The following CDIP1 variants were observed in gnomAD, a reference collection of about 807,000 sequenced individuals.
CDIP1 encodes cell death-inducing p53-target protein 1.
In CDIP1, 9 loss-of-function variants were observed where a neutral mutation model predicts 17.7. The observed-to-expected ratio is 0.51, with a 90% CI of 0.31 to 0.89. The LOEUF (loss-of-function observed/expected upper bound fraction) is 0.89, where lower values mean the gene tolerates loss of function less well. Ranked by LOEUF, CDIP1 falls within the 40% of genes least tolerant of loss-of-function variation. The pLI is 0.05. For missense variants in CDIP1, 263 were observed against 277.9 expected (o/e 0.95, Z 0.38); for synonymous variants, 117 against 109.5 (o/e 1.07, Z -0.43).
chr16:4,534,984 C>T (rs2059093408), intron 1 of CDIP1, among the ~76,000 whole-genome samples: 1 of 152,120 alleles, frequency 6.6e-6, no homozygotes, highest in African/African-American at 2.4e-5. Flanking sequence ...TCCTAAAGTG[C>T]TGGGATTACA....
At chr16:4,528,714 C>T (rs188490439) in intron 1 of CDIP1, among the ~76,000 whole-genome samples, 3,067 of 138,670 alleles carry the variant, frequency 0.022, 113 homozygotes, top group African/African-American at 0.076. Context: ...AAAGGCTGGC[C>T]GCGGTGGCTC....
At chr16:4,516,423 A>G (rs941518833) in intron 1 of CDIP1, among the ~76,000 whole-genome samples, 1 of 152,142 alleles carries the variant, frequency 6.6e-6, no homozygotes, top group African/African-American at 2.4e-5. Context: ...TGTCAATAAA[A>G]CTTATTTTTA....
intron 1 of CDIP1, among the ~76,000 whole-genome samples, chr16:4,526,159 C>T (rs1395517434): frequency 6.6e-6 from 1 of 152,136 alleles, no homozygotes; most frequent in East Asian, 1.9e-4. Context: ...GTAATTACGG[C>T]ACTTTGGGAG....
chr16:4,515,667 T>G (rs370757039), intron 1 of CDIP1, among the ~76,000 whole-genome samples: 12 of 152,368 alleles, frequency 7.9e-5, no homozygotes, highest in African/African-American at 2.9e-4. Flanking sequence ...GAAAAACTAC[T>G]GAGCGTCTTT....
intron 1 of CDIP1, among the ~76,000 whole-genome samples, chr16:4,526,814 A>T (rs1271539675): frequency 6.6e-6 from 1 of 152,120 alleles, no homozygotes; most frequent in African/African-American, 2.4e-5. Context: ...TGCGCCCTCC[A>T]ACAGAAGCAT....
At chr16:4,532,508 C>T (rs1417457825) in intron 1 of CDIP1, 1 of 152,374 alleles carries the variant, frequency 6.6e-6, no homozygotes, top group African/African-American at 2.4e-5. Context: ...ATGGGTGAGC[C>T]GGGTCCTCTG....
chr16:4,527,237 G>A (rs1311642207), intron 1 of CDIP1, among the ~76,000 whole-genome samples: 2 of 151,896 alleles, frequency 1.3e-5, no homozygotes, highest in Non-Finnish European at 2.9e-5. Flanking sequence ...ACAGGCGCCC[G>A]CCAACACGCC....
intron 1 of CDIP1, among the ~76,000 whole-genome samples, chr16:4,526,173 G>A (rs2058998358): frequency 1.3e-5 from 2 of 152,088 alleles, no homozygotes; most frequent in South Asian, 4.2e-4. Context: ...TTGGGAGGCA[G>A]AGGTGGGCGG....
At chr16:4,527,044 A>G (rs1427283367) in intron 1 of CDIP1, among the ~76,000 whole-genome samples, 1 of 151,478 alleles carries the variant, frequency 6.6e-6, no homozygotes, top group African/African-American at 2.4e-5. Context: ...GGCCTGCCAC[A>G]GGAGCCTGAG....
At chr16:4,522,125 A>C (rs1452486866) in intron 1 of CDIP1, among the ~76,000 whole-genome samples, 1 of 152,040 alleles carries the variant, frequency 6.6e-6, no homozygotes, top group Non-Finnish European at 1.5e-5. Flanking sequence ...CTCCCTAAGA[A>C]CTCAGCTCAG....
At chr16:4,519,744 C>T (rs2058925374) in intron 1 of CDIP1, among the ~76,000 whole-genome samples, 1 of 152,038 alleles carries the variant, frequency 6.6e-6, no homozygotes, top group Non-Finnish European at 1.5e-5. Context: ...CTGTTAGTCC[C>T]CGCATCCTTG....
chr16:4,531,599 C>T (rs574124078), intron 1 of CDIP1, among the ~76,000 whole-genome samples: 6 of 152,270 alleles, frequency 3.9e-5, no homozygotes, highest in Admixed American at 2.6e-4. Context: ...TGACGGTGGG[C>T]GAGCAAGCAG....
intron 1 of CDIP1, among the ~76,000 whole-genome samples, chr16:4,515,920 C>G (rs1161455822): frequency 1.3e-5 from 2 of 152,168 alleles, no homozygotes; most frequent in East Asian, 3.9e-4. Context: ...AGCAATTCCA[C>G]CCCTAGTTAT....
intron 1 of CDIP1, among the ~76,000 whole-genome samples, chr16:4,521,588 T>A (rs1024082679): frequency 9.3e-5 from 14 of 150,454 alleles, no homozygotes; most frequent in African/African-American, 3.4e-4. Context: ...CTGGGCCAGG[T>A]GTGGTGGCTC....
intron 1 of CDIP1, among the ~76,000 whole-genome samples, chr16:4,536,012 C>A (rs768293877): frequency 6.6e-6 from 1 of 152,236 alleles, no homozygotes; most frequent in Non-Finnish European, 1.5e-5. Context: ...CCACTGCCGG[C>A]CTGGCTCTCT....
At position 4,512,527 on chromosome 16, in the gene CDIP1, A is replaced by G. The variant is rs1555500524; in HGVS notation, c.*45T>C. ...CCACTGAGCACAGGGAGCAAAGCAC[A>G]GGGGGCCAGACTGACAGGCGGGGGA... On this transcript the variant is annotated 3_prime_UTR_variant, in exon 6 of 6. Coordinates refer to ENST00000567695, the MANE Select transcript of CDIP1 (RefSeq NM_013399.3). This position sits in a 1 kb window ranked among gnomAD's most constrained non-coding sequence, Gnocchi z 4.6. 7.1e-7 allele frequency: 1 copy of G among 1,404,794 alleles called. No homozygotes were observed. The highest frequency in any genetic ancestry group is 1.2e-5 in the South Asian group (1 of 86,790). 87.0% of individuals were successfully genotyped at this position (1,404,794 alleles called of 1,614,324 possible). A position where few individuals can be genotyped will look rare whatever the true frequency, so the allele number is the denominator to read the frequency against.
intron 1 of CDIP1, among the ~76,000 whole-genome samples, chr16:4,526,648 T>C (rs1466481706): frequency 1.3e-5 from 2 of 149,036 alleles, no homozygotes; most frequent in African/African-American, 5.0e-5. Flanking sequence ...TGCAGTGAGC[T>C]GAGATCGCGC....
rs1431577108 is a variant in CDIP1 at position 4,513,950 on chromosome 16, G to A, written c.85+96C>T. 26 of 1,362,810 alleles carry A rather than the reference G, an allele frequency of 1.9e-5. No individual in the cohort carries two copies. In the South Asian group the frequency reaches 2.4e-4, roughly 13 times the overall value. 84.4% of individuals were successfully genotyped at this position (1,362,810 alleles called of 1,614,324 possible). A position where few individuals can be genotyped will look rare whatever the true frequency, so the allele number is the denominator to read the frequency against. On this transcript the variant is annotated intron_variant, in intron 3 of 5. Coordinates refer to ENST00000567695, the MANE Select transcript of CDIP1 (RefSeq NM_013399.3). The surrounding 1 kb of genome is among the most constrained non-coding windows in gnomAD (Gnocchi z 4.1). ...TTTGGGACACAGATGGGGCCCAGGG[G>A]TAACCCTGGAGTGGGCATCACCACT...
At chr16:4,527,640 G>A (rs2059013695) in intron 1 of CDIP1, among the ~76,000 whole-genome samples, 1 of 152,132 alleles carries the variant, frequency 6.6e-6, no homozygotes, top group Non-Finnish European at 1.5e-5. Flanking sequence ...ACACTCTTAT[G>A]GACTCAATTC....
Sources: allele counts gnomAD v4.1 joint callset (sites outside exome capture counted in the v4.1 genomes callset), GRCh38; gene constraint gnomAD v4.1.1; non-coding constraint Gnocchi (gnomAD v3.1); transcripts MANE v1.5; gene names NCBI Gene and HGNC (gene_info 2026-07-23, HGNC 2026-07-21).